Variants in STRAP observed in about 807,000 individuals in gnomAD.
The protein encoded by STRAP is serine-threonine kinase receptor-associated protein.
In STRAP, 16 loss-of-function variants were observed where a neutral mutation model predicts 47.0. The ratio of observed to expected loss-of-function variants is 0.34; its 90% CI spans 0.23 to 0.52. The LOEUF is 0.52. STRAP is among the 20% of genes least tolerant of loss of function. The pLI, the probability that STRAP is intolerant of heterozygous loss-of-function variation, is 0.96. For missense variants in STRAP, 293 were observed against 420.0 expected, an observed-to-expected ratio of 0.70 and a Z score of 2.64; for synonymous variants, 130 against 142.7, an observed-to-expected ratio of 0.91 and a Z score of 0.63.
chr12:15,892,811 A>ACAAAGCAAGGTAGTTCAGGGATTGGGT (rs1591986477), intron 4 of STRAP, among the ~76,000 whole-genome samples: 2 of 152,176 alleles, frequency 1.3e-5, no homozygotes, highest in East Asian at 1.9e-4. Context: ...AACCCATTCA[A>ACAAAGCAAGGTAGTTCAGGGATTGGGT]CAAAGCAAGG....
In STRAP at chr12:15,887,587, C is replaced by A. The variant is rs932087747; in HGVS notation, c.249-2341C>A. Among the ~76,000 whole-genome samples, 10 of 152,192 alleles carry A rather than the reference C, an allele frequency of 6.6e-5. No individual in the cohort carries two copies. The highest frequency in any genetic ancestry group is 2.4e-4 in the African/African-American group (10 of 41,438). On this transcript the variant is annotated intron_variant, in intron 2 of 9. Coordinates refer to ENST00000419869, the MANE Select transcript of STRAP (RefSeq NM_007178.4). This position sits in a 1 kb window ranked among gnomAD's most constrained non-coding sequence, Gnocchi z 5.5. ...TGCCCTGTCAGAAAATGTCATGCCTCTATTTTAGTACTGTTTCTAAATAGG... is the reference window on the plus strand; with the variant it reads ...TGCCCTGTCAGAAAATGTCATGCCTATATTTTAGTACTGTTTCTAAATAGG...
In STRAP at chr12:15,894,269, G is replaced by C. The variant is rs1420856771; in HGVS notation, c.500+126G>C. 1.5e-6 allele frequency: 1 copy of C among 647,564 alleles called. No individual in the cohort carries two copies. The highest frequency in any genetic ancestry group is 2.7e-6 in the Non-Finnish European group (1 of 374,846). The allele number at this position is 647,564 out of a possible 1,614,324, so 40.1% of individuals were successfully genotyped here. Reference sequence around the variant, plus strand: ...AGGTCAGGAGTACTAGACCAGCCTGGCCGACATGGCGAAATACTGTCTCTA... The same window carrying C: ...AGGTCAGGAGTACTAGACCAGCCTGCCCGACATGGCGAAATACTGTCTCTA... On this transcript the variant is annotated intron_variant, in intron 5 of 9. Coordinates refer to ENST00000419869, the MANE Select transcript of STRAP (RefSeq NM_007178.4). The surrounding 1 kb of genome is among the most constrained non-coding windows in gnomAD (Gnocchi z 4.9).
intron 9 of STRAP, 73 bp from the exon 10 acceptor site, chr12:15,902,844 T>G: frequency 6.9e-7 from 1 of 1,443,688 alleles, no homozygotes; most frequent in Non-Finnish European, 9.1e-7. Context: ...TACACAGAAA[T>G]GTAGATTTGC....
chr12:15,885,488 C>CTTTTTTT lies in STRAP; in HGVS notation c.248+1824_248+1830dup, dbSNP rs5796649. Reference sequence around the variant, plus strand: ...ACAGGTGTGAGCCACCGTGCCTGGCCTTTTTTTTTTTTTTTTTTAACAACC... The same window carrying CTTTTTTT: ...ACAGGTGTGAGCCACCGTGCCTGGCCTTTTTTTTTTTTTTTTTTTTTTTTTAACAACC... On this transcript the variant is annotated intron_variant, in intron 2 of 9. Transcript: ENST00000419869. Among the ~76,000 whole-genome samples, 76 of 132,460 alleles carry CTTTTTTT rather than the reference C, an allele frequency of 5.7e-4. 1 individual carries two copies. The highest frequency in any genetic ancestry group is 4.0e-3 in the Middle Eastern group (1 of 248). The allele number at this position is 132,460 out of a possible 152,430, so 86.9% of individuals were successfully genotyped here.
chr12:15,882,628 C>T lies in STRAP; in HGVS notation c.-80C>T. 1 of 1,238,826 alleles carries T rather than the reference C, an allele frequency of 8.1e-7. No individual in the cohort carries two copies. Among genetic ancestry groups the T allele is most frequent in the Non-Finnish European group, 1.1e-6 (1 of 873,852 alleles). The allele number at this position is 1,238,826 out of a possible 1,614,324, so 76.7% of individuals were successfully genotyped here. On this transcript the variant is annotated 5_prime_UTR_variant, in exon 1 of 10. Transcript: ENST00000419869. ...GTGTCAGGGCGGGGGCCTGGAGCAG[C>T]CCGAGGCACTGCAGCAGAAGAGAGA...
chr12:15,885,862 C>T (rs1033755791), intron 2 of STRAP, among the ~76,000 whole-genome samples: 4 of 152,126 alleles, frequency 2.6e-5, no homozygotes, highest in Admixed American at 2.0e-4. Context: ...ATACTTACAA[C>T]ATTGCCTGAA....
At chr12:15,892,550 A>G (rs1439629515) in intron 4 of STRAP, among the ~76,000 whole-genome samples, 1 of 152,194 alleles carries the variant, frequency 6.6e-6, no homozygotes, top group Non-Finnish European at 1.5e-5. Context: ...AAGAGTAATA[A>G]GAGAGTCAGA....
chr12:15,885,185 T>G (rs934037083), intron 2 of STRAP, among the ~76,000 whole-genome samples: 1 of 144,964 alleles, frequency 6.9e-6, no homozygotes, highest in Non-Finnish European at 1.5e-5. Context: ...GTGGTGTTTT[T>G]TTTTTTTTTT....
At chr12:15,891,343 T>A (rs1948013259) in intron 4 of STRAP, among the ~76,000 whole-genome samples, 1 of 152,202 alleles carries the variant, frequency 6.6e-6, no homozygotes, top group Admixed American at 6.5e-5. Context: ...CACATATTGC[T>A]TAGATTTTTG....
rs750550299 is a variant in STRAP, at chr12:15,883,490, C to CT, written c.113-48dup. ...TGTATATTTACATTTGAATCTTAGACTTTAAGTAATCTGAACTTATAAATT... is the reference window on the plus strand; with the variant it reads ...TGTATATTTACATTTGAATCTTAGACTTTTAAGTAATCTGAACTTATAAATT... On this transcript the variant is annotated intron_variant, in intron 1 of 9. Transcript: ENST00000419869. The CT allele has an allele frequency of 3.2e-6, 5 of 1,557,014 alleles. No individual in the cohort carries two copies. In the African/African-American group the frequency reaches 6.9e-5, roughly 22 times the overall value.
At chr12:15,898,237 T>A (rs1266317503) in intron 7 of STRAP, 5 of 272,022 alleles carry the variant, frequency 1.8e-5, no homozygotes, top group African/African-American at 1.1e-4. Flanking sequence ...CAGAAATTTA[T>A]CCTTTTAACT....
chr12:15,892,876 C>T lies in STRAP; in HGVS notation c.404-1171C>T, dbSNP rs1948028320. Among the ~76,000 whole-genome samples, 3 of 152,184 alleles carry T rather than the reference C, an allele frequency of 2.0e-5. No individual in the cohort carries two copies. In the South Asian group the frequency reaches 6.2e-4, roughly 32 times the overall value. The stretch of plus-strand genomic sequence containing the variant: ...GTTCAGGGATTGGGTTGACATTTTT[C>T]ATGCTCTTTACCTTTCCCAAAGCTG... On this transcript the variant is annotated intron_variant, in intron 4 of 9. Transcript: ENST00000419869.
chr12:15,896,504 A>G lies in STRAP; in HGVS notation c.638+1008A>G, dbSNP rs1948061284. On this transcript the variant is annotated intron_variant, in intron 6 of 9. Transcript: ENST00000419869. This position sits in a 1 kb window ranked among gnomAD's most constrained non-coding sequence, Gnocchi z 4.1. ...TGGTAGTTATATTTTCTGCTAGTCC[A>G]TTTTTCTATGTTATATATGTGGGTG... 6.6e-6 allele frequency among the ~76,000 whole-genome samples: 1 copy of G among 151,410 alleles called. No individual in the cohort carries two copies. The highest frequency in any genetic ancestry group is 6.6e-5 in the Admixed American group (1 of 15,202).
At chr12:15,900,846 T>A in intron 8 of STRAP, 101 bp from the exon 9 acceptor site, 4 of 831,718 alleles carry the variant, frequency 4.8e-6, no homozygotes, top group African/African-American at 1.8e-5. Context: ...TTTGTAGCCA[T>A]TTTCCTGGAA....
chr12:15,901,007 A>G lies in STRAP; in HGVS notation c.986A>G (p.Glu329Gly). The G allele has an allele frequency of 1.3e-6, 2 of 1,592,764 alleles. No individual in the cohort carries two copies. Among genetic ancestry groups the G allele is most frequent in the South Asian group, 2.3e-5 (2 of 87,122 alleles). The change falls in exon 9 of 10, where the codon GAG (glutamate) becomes GGG (glycine). Residue 329 changes from glutamate (E) to glycine (G), a missense_variant. Transcript: ENST00000419869. ...GGTTTTCCAGAGACAACAGAAGAGG[A>G]GCTAGGTAAATGCTATGGAATTGAC... is the stretch of plus-strand genomic sequence containing the variant. ...KIGFPETTEE[E>G]LEEIASENSD...
intron 9 of STRAP, 89 bp from the exon 10 acceptor site, chr12:15,902,828 C>T: frequency 1.4e-6 from 2 of 1,393,072 alleles, no homozygotes; most frequent in South Asian, 1.6e-5. Flanking sequence ...TTTTTCATTC[C>T]TTCATTACAC....
At chr12:15,899,220 C>T (rs1474469376) in intron 7 of STRAP, among the ~76,000 whole-genome samples, 1 of 152,080 alleles carries the variant, frequency 6.6e-6, no homozygotes, top group Non-Finnish European at 1.5e-5. Context: ...TGGTGGGACA[C>T]AGATGGGAGA....
chr12:15,901,073 A>G (rs1948099473), intron 9 of STRAP, 61 bp downstream of exon 9: 1 of 1,343,516 alleles, frequency 7.4e-7, no homozygotes, highest in South Asian at 1.7e-5. Context: ...GAACTGTAAC[A>G]GAAGTTTTAC....
In STRAP at chr12:15,887,783, G is replaced by A. The variant is rs1947983707; in HGVS notation, c.249-2145G>A. Among the ~76,000 whole-genome samples, 1 of 152,020 alleles carries A rather than the reference G, an allele frequency of 6.6e-6. No homozygotes were observed. The highest frequency in any genetic ancestry group is 6.5e-5 in the Admixed American group (1 of 15,270). On this transcript the variant is annotated intron_variant, in intron 2 of 9. Transcript: ENST00000419869. This position sits in a 1 kb window ranked among gnomAD's most constrained non-coding sequence, Gnocchi z 5.5. The stretch of plus-strand genomic sequence containing the variant: ...GGAGGCTGAGGTGGAAGGATCTTGA[G>A]GCCAGGAGTTCAAGTATAGCTTGGG...
Sources: allele counts gnomAD v4.1 joint callset (sites outside exome capture counted in the v4.1 genomes callset), GRCh38; gene constraint gnomAD v4.1.1; non-coding constraint Gnocchi (gnomAD v3.1); transcripts MANE v1.5; gene names NCBI Gene and HGNC (gene_info 2026-07-23, HGNC 2026-07-21).